The following CACNG6 variants were observed in gnomAD, a reference collection of about 807,000 sequenced individuals.
The protein encoded by CACNG6 is calcium voltage-gated channel auxiliary subunit gamma 6.
Under a neutral mutation model 23.9 loss-of-function variants are expected in CACNG6, and 21 were observed. That is an observed-to-expected ratio of 0.88 (90% confidence interval 0.62 to 1.26). CACNG6 has a LOEUF of 1.26. Among genes scored for constraint, CACNG6 ranks in the 50% most tolerant of loss-of-function variants. The pLI is 0.00. For missense variants in CACNG6, 340 were observed against 352.9 expected (o/e 0.96, Z 0.29); for synonymous variants, 182 against 168.9 (o/e 1.08, Z -0.60).
intron 1 of CACNG6, 99 bp from the exon 2 acceptor site, chr19:53,998,140 C>A: frequency 1.9e-6 from 2 of 1,029,280 alleles, no homozygotes; most frequent in South Asian, 1.4e-5. Context: ...ATGCTGATGT[C>A]CAAGTTTTAG....
intron 1 of CACNG6, among the ~76,000 whole-genome samples, chr19:53,994,052 C>G (rs888793670): frequency 6.6e-6 from 1 of 151,822 alleles, no homozygotes; most frequent in African/African-American, 2.4e-5. Context: ...CAGCCCGTGC[C>G]CACTCTGCAT....
In CACNG6 at chr19:53,992,933, G is replaced by A; in HGVS notation, c.56G>A (p.Gly19Asp). The change falls in exon 1 of 4, where the codon GGC becomes GAC. Residue 19 changes from glycine to aspartate, a missense_variant. Coordinates refer to ENST00000252729, the MANE Select transcript of CACNG6 (RefSeq NM_145814.2). The surrounding 1 kb of genome is among the most constrained non-coding windows in gnomAD (Gnocchi z 4.1). ...QEENRRRGAAGRRRAHGQGRS... is the reference protein window; with the variant it reads ...QEENRRRGAADRRRAHGQGRS... ...GAGAACCGGCGGCGGGGGGCCGCGG[G>A]CCGGCGGCGGGCGCACGGGCAGGGC... 1 of 1,389,998 alleles carries A rather than the reference G, an allele frequency of 7.2e-7. No homozygotes were observed. Among genetic ancestry groups the A allele is most frequent in the Non-Finnish European group, 9.3e-7 (1 of 1,075,206 alleles). The allele number at this position is 1,389,998 out of a possible 1,614,324, so 86.1% of individuals were successfully genotyped here. A position where few individuals can be genotyped will look rare whatever the true frequency, so the allele number is the denominator to read the frequency against.
intron 1 of CACNG6, among the ~76,000 whole-genome samples, chr19:53,993,601 G>T (rs1262478851): frequency 6.7e-6 from 1 of 150,316 alleles, no homozygotes; most frequent in African/African-American, 2.5e-5. Context: ...CCTCTAAAGA[G>T]AGCTTGTGCC....
Position 54,012,255 on chromosome 19 carries a change from A to T in CACNG6, c.*66A>T. 4 of 712,716 alleles carry T rather than the reference A, an allele frequency of 5.6e-6. No homozygotes were observed. The highest frequency in any genetic ancestry group is 8.5e-6 in the Non-Finnish European group (4 of 472,128). The allele number at this position is 712,716 out of a possible 1,614,324, so 44.1% of individuals were successfully genotyped here. A position where few individuals can be genotyped will look rare whatever the true frequency, so the allele number is the denominator to read the frequency against. Reference sequence around the variant, plus strand: ...TGACCTTCTCCATTGTACCCCCAAGATCTTTTTGCCCCATCTCCTAGAGAA... The same window carrying T: ...TGACCTTCTCCATTGTACCCCCAAGTTCTTTTTGCCCCATCTCCTAGAGAA... On this transcript the variant is annotated 3_prime_UTR_variant, in exon 4 of 4. Transcript: ENST00000252729.
chr19:53,995,333 A>G (rs1259782192), intron 1 of CACNG6, among the ~76,000 whole-genome samples: 2 of 151,782 alleles, frequency 1.3e-5, no homozygotes, highest in Non-Finnish European at 2.9e-5. Flanking sequence ...TACAAACCCA[A>G]CCCCTCAGAG....
rs2069462593 is a variant in CACNG6, at chr19:53,991,762, G to A, written c.-1116G>A. Among the ~76,000 whole-genome samples, 1 of 152,180 alleles carries A rather than the reference G, an allele frequency of 6.6e-6. No individual in the cohort carries two copies. The highest frequency in any genetic ancestry group is 2.4e-5 in the African/African-American group (1 of 41,550). ...GGGAGTCGGGGGTGGGAGCCCCGAG[G>A]GGGGGCCCTGGCCTGGGGCTGAGCC... On this transcript the variant is annotated 5_prime_UTR_variant, in exon 1 of 4. Coordinates refer to ENST00000252729, the MANE Select transcript of CACNG6 (RefSeq NM_145814.2).
intron 3 of CACNG6, among the ~76,000 whole-genome samples, chr19:54,003,853 A>AT (rs143934901): frequency 0.013 from 1,990 of 151,736 alleles, 57 homozygotes; most frequent in African/African-American, 0.046. Context: ...TGATACTTCT[A>AT]TTTTTTTAAT....
chr19:53,998,071 T>G (rs757951568), intron 1 of CACNG6, among the ~76,000 whole-genome samples, 168 bp from the exon 2 acceptor site: 2 of 152,114 alleles, frequency 1.3e-5, no homozygotes, highest in African/African-American at 4.8e-5. Flanking sequence ...TAGATGGCAG[T>G]GTGGTCGCAG....
chr19:53,992,831 T>C lies in CACNG6; in HGVS notation c.-47T>C, dbSNP rs2069475348. 1.5e-6 allele frequency: 2 copies of C among 1,322,400 alleles called. No individual in the cohort carries two copies. The highest frequency in any genetic ancestry group is 2.0e-6 in the Non-Finnish European group (2 of 1,018,672). The allele number at this position is 1,322,400 out of a possible 1,614,324, so 81.9% of individuals were successfully genotyped here. On this transcript the variant is annotated 5_prime_UTR_variant, in exon 1 of 4. Transcript: ENST00000252729. The surrounding 1 kb of genome is among the most constrained non-coding windows in gnomAD (Gnocchi z 4.1). Reference sequence around the variant, plus strand: ...TCCTCGCTCCCGCCCCTCGAGGCCCTTCGCCGGCTCTGCCTCCTCCCCCTT... The same window carrying C: ...TCCTCGCTCCCGCCCCTCGAGGCCCCTCGCCGGCTCTGCCTCCTCCCCCTT...
intron 1 of CACNG6, among the ~76,000 whole-genome samples, chr19:53,994,456 C>A (rs928955361): frequency 6.6e-6 from 1 of 152,120 alleles, no homozygotes; most frequent in African/African-American, 2.4e-5. Flanking sequence ...ACACGCCACG[C>A]CACGGCTTGT....
chr19:54,012,437 G>A lies in CACNG6; in HGVS notation c.*248G>A, dbSNP rs1189596723. The A allele has an allele frequency of 4.5e-6, 1 of 221,798 alleles. No individual in the cohort carries two copies. The highest frequency in any genetic ancestry group is 8.7e-6 in the Non-Finnish European group (1 of 114,732). The allele number at this position is 221,798 out of a possible 1,614,324, so 13.7% of individuals were successfully genotyped here. On this transcript the variant is annotated 3_prime_UTR_variant, in exon 4 of 4. Transcript: ENST00000252729. ...GGCTCTTTGCAAACGAGGGTCCCCA[G>A]AGAAGACTGGCGGGGACCTGATGGG...
At chr19:54,011,227 TAC>T (rs1555819814) in intron 3 of CACNG6, among the ~76,000 whole-genome samples, 1 of 95,328 alleles carries the variant, frequency 1.0e-5, no homozygotes, top group Non-Finnish European at 1.8e-5. Context: ...TATATATATA[TAC>T]ACACACACAC....
intron 1 of CACNG6, among the ~76,000 whole-genome samples, chr19:53,997,734 C>G (rs760766594): frequency 6.6e-6 from 1 of 152,158 alleles, no homozygotes; most frequent in Non-Finnish European, 1.5e-5. Flanking sequence ...ACTATTCATA[C>G]CCTTTGCCCA....
chr19:54,011,205 A>AAAT (rs58054808), intron 3 of CACNG6, among the ~76,000 whole-genome samples: 4 of 102,546 alleles, frequency 3.9e-5, no homozygotes, highest in Admixed American at 1.2e-4. Context: ...AAAAAAAAAA[A>AAAT]ATATATATAT....
chr19:54,006,952 AT>A (rs907577534), intron 3 of CACNG6, among the ~76,000 whole-genome samples: 3 of 149,804 alleles, frequency 2.0e-5, no homozygotes, highest in African/African-American at 5.0e-5. Flanking sequence ...CCTGCCTGAA[AT>A]TTTTTTTATC....
At chr19:53,991,172 C>T (rs2069454648), upstream of CACNG6, among the ~76,000 whole-genome samples, 1 of 151,702 alleles carries the variant, frequency 6.6e-6, no homozygotes, top group African/African-American at 2.4e-5. Flanking sequence ...GACCAGGTTC[C>T]TCTCCTCTCA....
intron 1 of CACNG6, among the ~76,000 whole-genome samples, chr19:53,995,965 C>A (rs1397097506): frequency 6.6e-6 from 1 of 152,112 alleles, no homozygotes; most frequent in African/African-American, 2.4e-5. Flanking sequence ...CGCAGCCCAG[C>A]ATCCTCTACC....
chr19:54,001,073 C>T (rs529568861), intron 3 of CACNG6, among the ~76,000 whole-genome samples: 87 of 152,340 alleles, frequency 5.7e-4, no homozygotes, highest in African/African-American at 2.1e-3. Flanking sequence ...ACTACAACCT[C>T]TGCCTCTAGG....
intron 1 of CACNG6, among the ~76,000 whole-genome samples, chr19:53,994,212 C>T (rs1258172389): frequency 1.3e-5 from 2 of 152,180 alleles, no homozygotes; most frequent in East Asian, 1.9e-4. Flanking sequence ...GCCTGTTCCC[C>T]ACCTACTGCT....
Sources: gnomAD v4.1 joint callset for allele counts (sites outside exome capture counted in the v4.1 genomes callset) on GRCh38, gnomAD v4.1.1 for gene constraint, Gnocchi (gnomAD v3.1) non-coding constraint, MANE v1.5 for transcripts, NCBI Gene and HGNC (gene_info 2026-07-23, HGNC 2026-07-21) for gene names.